Variants in ADAMTS20 observed in about 807,000 individuals in gnomAD.
ADAMTS20 encodes the protein ADAM metallopeptidase with thrombospondin type 1 motif 20, also known as A disintegrin and metalloproteinase with thrombospondin motifs 20.
Under a neutral mutation model 260.1 loss-of-function variants are expected in ADAMTS20, and 225 were observed. The ratio of observed to expected loss-of-function variants is 0.87; its 90% CI spans 0.78 to 0.97. The LOEUF (loss-of-function observed/expected upper bound fraction) is 0.97, where lower values mean the gene tolerates loss of function less well. Ranked by LOEUF, ADAMTS20 falls within the 50% of genes least tolerant of loss-of-function variation. The probability of loss-of-function intolerance (pLI) is 0.00; values close to 1 mark genes in which losing one functional copy is unlikely to be tolerated. For missense variants in ADAMTS20, 2,400 were observed against 2,337.7 expected, an observed-to-expected ratio of 1.03 and a Z score of -0.55; for synonymous variants, 802 against 769.5, an observed-to-expected ratio of 1.04 and a Z score of -0.70.
At chr12:43,459,494 CTTGGAAGTGGCCTGCCACCATT>C (rs949539652) in intron 11 of ADAMTS20, among the ~76,000 whole-genome samples, 14 of 152,286 alleles carry the variant, frequency 9.2e-5, no homozygotes, top group East Asian at 1.9e-4. Context: ...TTGCCGCCAT[CTTGGAAGTGGCCTGCCACCATT>C]TTGGAAGTGG....
intron 28 of ADAMTS20, chr12:43,423,690 CTT>C: frequency 1.4e-6 from 1 of 699,202 alleles, no homozygotes; most frequent in Non-Finnish European, 2.6e-6. Flanking sequence ...ATAAAAATAT[CTT>C]TTTATAGTGA....
chr12:43,447,477 T>C (rs919148192), intron 14 of ADAMTS20, among the ~76,000 whole-genome samples: 2 of 152,162 alleles, frequency 1.3e-5, no homozygotes, highest in East Asian at 1.9e-4. Flanking sequence ...AAACTAGGCA[T>C]TGAAGGAACA....
At chr12:43,489,314 A>T (rs549581807) in intron 7 of ADAMTS20, among the ~76,000 whole-genome samples, 1 of 152,176 alleles carries the variant, frequency 6.6e-6, no homozygotes, top group South Asian at 2.1e-4. Flanking sequence ...AATGAAAACA[A>T]ACCAACAAAC....
At chr12:43,518,328 C>T (rs1416173107) in intron 3 of ADAMTS20, among the ~76,000 whole-genome samples, 1 of 152,118 alleles carries the variant, frequency 6.6e-6, no homozygotes, top group African/African-American at 2.4e-5. Flanking sequence ...TCTTCAAGTG[C>T]TTTGAATTCT....
intron 2 of ADAMTS20, among the ~76,000 whole-genome samples, chr12:43,541,426 T>A (rs986241209): frequency 2.6e-5 from 4 of 152,204 alleles, no homozygotes; most frequent in African/African-American, 9.6e-5. Context: ...GGAGCTTCAA[T>A]AATTGTTTTG....
intron 29 of ADAMTS20, among the ~76,000 whole-genome samples, chr12:43,396,069 T>C (rs971690118): frequency 7.9e-5 from 12 of 152,232 alleles, no homozygotes; most frequent in African/African-American, 2.2e-4. Context: ...GGTGGGATTA[T>C]TTTTTCTTTT....
At chr12:43,381,947 G>C (rs949351067) in intron 31 of ADAMTS20, among the ~76,000 whole-genome samples, 4 of 151,960 alleles carry the variant, frequency 2.6e-5, no homozygotes, top group African/African-American at 9.7e-5. Context: ...TACTAGGATG[G>C]TTATGTTAAA....
intron 4 of ADAMTS20, among the ~76,000 whole-genome samples, chr12:43,495,744 C>A (rs767438010): frequency 2.0e-5 from 3 of 152,184 alleles, no homozygotes; most frequent in Middle Eastern, 3.4e-3. Context: ...GTAAAAGATA[C>A]AAAAACAGAT....
rs1419828611 is a variant in ADAMTS20, at chr12:43,429,441, TCTTGAAAGGCAAAGGACTTAGC to T, written c.3489+154_3489+175del. Reference sequence around the variant, plus strand: ...AATTTCTTGTCCAGAGACACAGAGCTCTTGAAAGGCAAAGGACTTAGCCATTAATTCCTAATTCTAAACCCTA... The same window carrying T: ...AATTTCTTGTCCAGAGACACAGAGCTCATTAATTCCTAATTCTAAACCCTA... On this transcript the variant is annotated intron_variant, in intron 24 of 38. Transcript: ENST00000389420. 3.5e-4 allele frequency among the ~76,000 whole-genome samples: 54 copies of T among 152,276 alleles called. 1 individual carries two copies. The highest frequency in any genetic ancestry group is 7.1e-4 in the Non-Finnish European group (48 of 68,008).
At chr12:43,407,590 T>C (rs992820917) in intron 28 of ADAMTS20, among the ~76,000 whole-genome samples, 1 of 152,014 alleles carries the variant, frequency 6.6e-6, no homozygotes, top group Non-Finnish European at 1.5e-5. Flanking sequence ...TGCAAGTATC[T>C]TGTACAGAAA....
At chr12:43,456,897 T>G (rs920840148) in intron 11 of ADAMTS20, among the ~76,000 whole-genome samples, 9 of 152,004 alleles carry the variant, frequency 5.9e-5, no homozygotes, top group African/African-American at 1.9e-4. Flanking sequence ...GGAACAGATA[T>G]GAATTACTGA....
chr12:43,472,713 A>C (rs1048157683), intron 7 of ADAMTS20, among the ~76,000 whole-genome samples: 3 of 149,618 alleles, frequency 2.0e-5, no homozygotes, highest in Admixed American at 1.3e-4. Flanking sequence ...TTTTCAAGCC[A>C]GAATTTCATA....
intron 3 of ADAMTS20, among the ~76,000 whole-genome samples, chr12:43,530,621 A>T (rs1943207937): frequency 1.3e-5 from 2 of 152,140 alleles, no homozygotes; most frequent in Non-Finnish European, 2.9e-5. Flanking sequence ...TACGATCTCA[A>T]ATAAATCCTT....
intron 3 of ADAMTS20, 33 bp downstream of exon 3, chr12:43,532,003 T>G: frequency 7.2e-7 from 1 of 1,397,756 alleles, no homozygotes; most frequent in Non-Finnish European, 9.4e-7. Flanking sequence ...AGTATCACTA[T>G]TTAGCTGAAA....
chr12:43,380,608 T>C (rs996919119), intron 31 of ADAMTS20, among the ~76,000 whole-genome samples: 37 of 152,092 alleles, frequency 2.4e-4, no homozygotes, highest in African/African-American at 8.2e-4. Context: ...TCTATTTCTA[T>C]ACACAAGCAA....
intron 2 of ADAMTS20, among the ~76,000 whole-genome samples, chr12:43,548,432 G>A (rs1002047450): frequency 2.0e-5 from 3 of 152,008 alleles, no homozygotes; most frequent in East Asian, 1.9e-4. Context: ...TCCAGGTTTC[G>A]GATACTACAG....
In ADAMTS20 at chr12:43,376,083, T is replaced by G. The variant is rs1280653675; in HGVS notation, c.5286A>C (p.Glu1762Asp). ...KEYLTLVQGE[E>D]NFSEVYGFRL... ...TAAAGCCATACACTTCAGAAAAGTT[T>G]TCTTCACCTTGGACCAGTGTTAAAT... Residue 1762 changes from glutamate (E) to aspartate (D), a missense_variant, in exon 35 of 39, where the codon GAA (glutamate) becomes GAC (aspartate). By Grantham distance (45) the Glu-to-Asp change is conservative. Transcript: ENST00000389420. The G allele has an allele frequency of 1.2e-6, 2 of 1,610,452 alleles. No homozygotes were observed. The highest frequency in any genetic ancestry group is 2.7e-5 in the African/African-American group (2 of 74,836).
At chr12:43,394,896 C>A (rs1341771577) in intron 29 of ADAMTS20, among the ~76,000 whole-genome samples, 1 of 152,204 alleles carries the variant, frequency 6.6e-6, no homozygotes, top group East Asian at 1.9e-4. Context: ...ATAAAACCTG[C>A]ATTTGTGGGG....
intron 18 of ADAMTS20, among the ~76,000 whole-genome samples, chr12:43,435,021 A>G (rs1197033547): frequency 7.6e-6 from 1 of 131,546 alleles, no homozygotes; most frequent in Non-Finnish European, 1.6e-5. Flanking sequence ...TTGTGGGGGA[A>G]GGAAGGAAGA....
Sources: gnomAD v4.1 joint callset for allele counts (sites outside exome capture counted in the v4.1 genomes callset) on GRCh38, gnomAD v4.1.1 for gene constraint, MANE v1.5 for transcripts, NCBI Gene and HGNC (gene_info 2026-07-23, HGNC 2026-07-21) for gene names.